VGLL4: variants seen among roughly 807,000 people sequenced by gnomAD.
The protein encoded by VGLL4 is transcription cofactor vestigial-like protein 4.
Under a neutral mutation model 21.0 loss-of-function variants are expected in VGLL4, and 7 were observed. The observed-to-expected ratio is 0.33, with a 90% CI of 0.19 to 0.63. The LOEUF (loss-of-function observed/expected upper bound fraction) is 0.63. Ranked by LOEUF, VGLL4 falls within the 20% of genes least tolerant of loss-of-function variation. The pLI is 0.78. For missense variants in VGLL4, 394 were observed against 425.7 expected (o/e 0.93, Z 0.66); for synonymous variants, 222 against 173.2 (o/e 1.28, Z -2.21).
At chr3:11,704,383 CAAA>C (rs57593843) in intron 1 of VGLL4, among the ~76,000 whole-genome samples, 11 of 69,164 alleles carry the variant, frequency 1.6e-4, no homozygotes, top group Admixed American at 3.8e-4. Context: ...AACTCCGTCT[CAAA>C]AAAAAAAAAA....
intron 2 of VGLL4, among the ~76,000 whole-genome samples, chr3:11,592,253 C>CAAT (rs1303545799): frequency 2.0e-5 from 3 of 152,218 alleles, no homozygotes; most frequent in Admixed American, 6.5e-5. Flanking sequence ...TGGCTTGGGC[C>CAAT]ACTAACTTAA....
At position 11,558,401 on chromosome 3, in the gene VGLL4, A is replaced by G. The variant is rs2072630485; in HGVS notation, c.*155T>C. On this transcript the variant is annotated 3_prime_UTR_variant, in exon 5 of 5. Coordinates refer to ENST00000430365, the MANE Select transcript of VGLL4 (RefSeq NM_001128219.3). Reference sequence around the variant, plus strand: ...GTACGGATACCAAGCAAGTACAAAAACAGAACACAAATCCCAACAACATGG... The same window carrying G: ...GTACGGATACCAAGCAAGTACAAAAGCAGAACACAAATCCCAACAACATGG... 1 of 1,279,148 alleles carries G rather than the reference A, an allele frequency of 7.8e-7. No individual in the cohort carries two copies. Among genetic ancestry groups the G allele is most frequent in the South Asian group, 1.6e-5 (1 of 63,852 alleles). 79.2% of individuals were successfully genotyped at this position (1,279,148 alleles called of 1,614,324 possible).
chr3:11,593,885 T>TTA (rs2074568232), intron 2 of VGLL4, among the ~76,000 whole-genome samples: 1 of 152,172 alleles, frequency 6.6e-6, no homozygotes, highest in East Asian at 1.9e-4. Context: ...GGTTGCTCAG[T>TTA]GGGTCTGTGG....
chr3:11,696,500 C>T (rs1474700540), intron 2 of VGLL4, among the ~76,000 whole-genome samples: 2 of 152,142 alleles, frequency 1.3e-5, no homozygotes, highest in Admixed American at 1.3e-4. Flanking sequence ...TCATGGCCCA[C>T]GTGGCAGTCA....
chr3:11,602,408 T>G (rs980610037), intron 1 of VGLL4, among the ~76,000 whole-genome samples: 18 of 152,134 alleles, frequency 1.2e-4, no homozygotes, highest in Non-Finnish European at 2.4e-4. Context: ...ACTGCATTCA[T>G]GAAACCACTA....
chr3:11,710,614 C>T (rs2076829447), intron 1 of VGLL4: 1 of 152,266 alleles, frequency 6.6e-6, no homozygotes, highest in African/African-American at 2.4e-5. Flanking sequence ...TCTCCAACTT[C>T]CAGATGCACA....
At chr3:11,610,636 C>G (rs1397032430) in intron 1 of VGLL4, 1 of 152,212 alleles carries the variant, frequency 6.6e-6, no homozygotes, top group Non-Finnish European at 1.5e-5. Context: ...CAGCTCTACT[C>G]TTTTTGTTTA....
chr3:11,579,276 A>C (rs1468546040), intron 2 of VGLL4, among the ~76,000 whole-genome samples: 1 of 152,222 alleles, frequency 6.6e-6, no homozygotes, highest in Non-Finnish European at 1.5e-5. Flanking sequence ...TACTTAAAGA[A>C]AAAATTATTT....
rs10609918 is a variant in VGLL4 at position 11,629,746 on chromosome 3, C to CA, written c.82+13690dup. ...CTGGGCTACAGAGCGAGACGGGTCT[C>CA]AAAAAAAAAAAAAAAAAAAAAGAAT... On this transcript the variant is annotated intron_variant, in intron 1 of 4. Coordinates refer to ENST00000430365, the MANE Select transcript of VGLL4 (RefSeq NM_001128219.3). Among the ~76,000 whole-genome samples the CA allele has an allele frequency of 9.6e-3, 820 of 85,120 alleles. 15 individuals are homozygous for CA. Among genetic ancestry groups the CA allele is most frequent in the African/African-American group, 0.027 (582 of 21,426 alleles). The allele number at this position is 85,120 out of a possible 152,430, so 55.8% of individuals were successfully genotyped here.
chr3:11,591,791 C>T (rs2074504780), intron 2 of VGLL4, among the ~76,000 whole-genome samples: 1 of 152,212 alleles, frequency 6.6e-6, no homozygotes, highest in Non-Finnish European at 1.5e-5. Flanking sequence ...AGGTTACAAC[C>T]CTGAAGCAAA....
At chr3:11,702,455 CAAA>C (rs56189603) in intron 2 of VGLL4, among the ~76,000 whole-genome samples, 41,266 of 96,374 alleles carry the variant, frequency 0.43, 7,285 homozygotes, top group East Asian at 0.5. Context: ...ACTAAAAATA[CAAA>C]AAAAAAAAAA....
intron 1 of VGLL4, among the ~76,000 whole-genome samples, chr3:11,627,975 T>C (rs1007688750): frequency 6.6e-6 from 1 of 152,212 alleles, no homozygotes; most frequent in Non-Finnish European, 1.5e-5. Flanking sequence ...CAGTAAAAGA[T>C]TGCATATTCT....
At chr3:11,709,780 C>A (rs571506000) in intron 1 of VGLL4, among the ~76,000 whole-genome samples, 1 of 152,282 alleles carries the variant, frequency 6.6e-6, no homozygotes, top group African/African-American at 2.4e-5. Flanking sequence ...AGCTATAAAT[C>A]TGACAGCCAT....
At chr3:11,680,992 T>G (rs1389311381) in intron 2 of VGLL4, among the ~76,000 whole-genome samples, 1 of 151,360 alleles carries the variant, frequency 6.6e-6, no homozygotes. Context: ...CTCCCTTCCC[T>G]TCTCTTTCTA....
chr3:11,717,961 T>C (rs919365647), intron 1 of VGLL4, among the ~76,000 whole-genome samples: 3 of 152,098 alleles, frequency 2.0e-5, no homozygotes. Flanking sequence ...GGACTAGAAC[T>C]CAAGTCTCCA....
intron 2 of VGLL4, among the ~76,000 whole-genome samples, chr3:11,694,719 A>T (rs1333456165): frequency 6.6e-6 from 1 of 152,226 alleles, no homozygotes; most frequent in Admixed American, 6.5e-5. Context: ...CTGTATGATG[A>T]AAAATTTTAC....
At chr3:11,671,465 C>T (rs1252785797) in intron 2 of VGLL4, 7 of 692,220 alleles carry the variant, frequency 1.0e-5, no homozygotes, top group Non-Finnish European at 1.6e-5. Context: ...GGGGATTGGT[C>T]CCAGGACCCC....
intron 1 of VGLL4, among the ~76,000 whole-genome samples, chr3:11,623,058 A>T (rs2075294503): frequency 6.6e-6 from 1 of 152,152 alleles, no homozygotes; most frequent in African/African-American, 2.4e-5. Context: ...TCCACCTTTT[A>T]GTTATGGATT....
chr3:11,614,708 T>C (rs6769370), intron 1 of VGLL4, among the ~76,000 whole-genome samples: 33,685 of 152,046 alleles, frequency 0.22, 6,240 homozygotes, highest in African/African-American at 0.5. Context: ...AGGATTAAAA[T>C]AGGACACGAA....
Sources: gnomAD v4.1 joint callset for allele counts (sites outside exome capture counted in the v4.1 genomes callset) on GRCh38, gnomAD v4.1.1 for gene constraint, MANE v1.5 for transcripts, NCBI Gene and HGNC (gene_info 2026-07-23, HGNC 2026-07-21) for gene names.